STIM1: variants seen among roughly 807,000 people sequenced by gnomAD.
STIM1 encodes the protein stromal interaction molecule 1.
A neutral mutation model predicts 74.7 loss-of-function variants in STIM1; 25 were observed. The observed-to-expected ratio is 0.33, with a 90% CI of 0.24 to 0.47. STIM1 has a LOEUF of 0.47. STIM1 is among the 20% of genes least tolerant of loss of function. The pLI is 1.00. For synonymous variants in STIM1, 328 were observed against 348.8 expected (o/e 0.94, Z 0.66); for missense variants, 728 against 920.8 (o/e 0.79, Z 2.71).
chr11:3,937,290 C>CAATAATAAT (rs5789317), intron 1 of STIM1, among the ~76,000 whole-genome samples: 2,063 of 133,056 alleles, frequency 0.016, 43 homozygotes, highest in African/African-American at 0.046. Flanking sequence ...GACTTCATCT[C>CAATAATAAT]AATAATAATA....
intron 1 of STIM1, among the ~76,000 whole-genome samples, chr11:3,875,551 C>T (rs185107146): frequency 2.8e-4 from 43 of 151,984 alleles, no homozygotes; most frequent in African/African-American, 1.0e-3. Flanking sequence ...CATGGTGAAA[C>T]CCTGTCTCTA....
At chr11:3,987,271 A>G (rs961183247) in intron 2 of STIM1, among the ~76,000 whole-genome samples, 6 of 152,164 alleles carry the variant, frequency 3.9e-5, no homozygotes, top group African/African-American at 1.2e-4. Context: ...TTTTCTCCAC[A>G]TTGTAACTGT....
chr11:3,970,759 A>AG (rs1438444119), intron 2 of STIM1, among the ~76,000 whole-genome samples: 1 of 152,236 alleles, frequency 6.6e-6, no homozygotes, highest in Non-Finnish European at 1.5e-5. Flanking sequence ...CTAAAAAAAA[A>AG]GAAGTTAAAT....
At chr11:3,988,787 A>G (rs1428177514) in intron 2 of STIM1, among the ~76,000 whole-genome samples, 1 of 152,224 alleles carries the variant, frequency 6.6e-6, no homozygotes, top group Non-Finnish European at 1.5e-5. Context: ...GTAATTTAAA[A>G]TGTTCAAGAC....
chr11:3,944,033 G>T (rs965360041), intron 1 of STIM1, among the ~76,000 whole-genome samples: 1 of 152,264 alleles, frequency 6.6e-6, no homozygotes, highest in East Asian at 1.9e-4. Context: ...CATAGGTTAT[G>T]TACAGAATAG....
chr11:4,091,681 G>A lies in STIM1; in HGVS notation c.2034G>A (p.Leu678=), dbSNP rs1388089736. The A allele has an allele frequency of 6.2e-7, 1 of 1,614,226 alleles. No individual in the cohort carries two copies. Among genetic ancestry groups the A allele is most frequent in the Admixed American group, 1.7e-5 (1 of 60,028 alleles). ...GCCGAAACACACGCATTCCCCACCT[G>A]GCTGGCAAGAAGGCTGTGGCTGAGG... ...QASRNTRIPH[L]AGKKAVAEED... is the part of the protein sequence containing the mutation. Residue 678 remains leucine, a synonymous_variant, in exon 13 of 13, where the codon CTG becomes CTA. Transcript: ENST00000526596.
chr11:4,059,202 G>T, intron 4 of STIM1, 79 bp from the exon 5 acceptor site: 1 of 1,226,206 alleles, frequency 8.2e-7, no homozygotes, highest in Non-Finnish European at 1.2e-6. Context: ...AAGTGTTCCT[G>T]GGGGAGGCGG....
intron 2 of STIM1, among the ~76,000 whole-genome samples, chr11:4,010,964 T>C (rs1217284047): frequency 6.6e-6 from 1 of 152,114 alleles, no homozygotes; most frequent in African/African-American, 2.4e-5. Context: ...TGAGAACATG[T>C]GGTGTTTGGT....
At chr11:4,084,313 G>T (rs1265802385) in intron 10 of STIM1, among the ~76,000 whole-genome samples, 1 of 152,224 alleles carries the variant, frequency 6.6e-6, no homozygotes, top group Non-Finnish European at 1.5e-5. Context: ...AGAAGGCCGG[G>T]GCTGGGTTAG....
chr11:3,882,185 T>C (rs901868344), intron 1 of STIM1, among the ~76,000 whole-genome samples: 1 of 149,224 alleles, frequency 6.7e-6, no homozygotes, highest in Non-Finnish European at 1.5e-5. Flanking sequence ...CCGCAACCTC[T>C]GTCTCCTGGG....
At chr11:3,901,683 C>T (rs1364714418) in intron 1 of STIM1, among the ~76,000 whole-genome samples, 3 of 152,188 alleles carry the variant, frequency 2.0e-5, no homozygotes, top group African/African-American at 7.2e-5. Flanking sequence ...GTTAATCCAC[C>T]AGTCCCTGGT....
In STIM1 at chr11:4,091,313, C is replaced by G. The variant is rs1291051290; in HGVS notation, c.1666C>G (p.Leu556Val). The change falls in exon 13 of 13, where the codon CTC becomes GTC. Residue 556 changes from leucine (L) to valine (V), a missense_variant. Physicochemically the swap from Leu to Val is conservative, Grantham distance 32. Around this residue, in one of 5 missense-constraint regions of STIM1, gnomAD observed 352 missense variants for 370.1 expected, o/e 0.95. Transcript: ENST00000526596. Reference protein sequence around the residue: ...DLTHSDSESSLHMSDRQRVAP... With the variant: ...DLTHSDSESSVHMSDRQRVAP... ...GACCCATTCCGATTCGGAGTCCTCC[C>G]TCCACATGAGTGACCGCCAGCGTGT... The G allele has an allele frequency of 6.2e-7, 1 of 1,614,218 alleles. No homozygotes were observed. The highest frequency in any genetic ancestry group is 1.1e-5 in the South Asian group (1 of 91,086).
At chr11:3,894,306 A>G (rs868618910) in intron 1 of STIM1, among the ~76,000 whole-genome samples, 1 of 152,184 alleles carries the variant, frequency 6.6e-6, no homozygotes. Context: ...TCTTACAACA[A>G]AAAGGGCCCC....
chr11:3,902,505 G>C (rs1309912411), intron 1 of STIM1, among the ~76,000 whole-genome samples: 2 of 152,246 alleles, frequency 1.3e-5, no homozygotes, highest in African/African-American at 4.8e-5. Context: ...TTCTCATAAG[G>C]AGCACGCAAC....
chr11:3,968,961 G>T (rs2093365937), intron 2 of STIM1, among the ~76,000 whole-genome samples: 1 of 152,214 alleles, frequency 6.6e-6, no homozygotes, highest in Admixed American at 6.5e-5. Flanking sequence ...CAGGGACACA[G>T]TGAATATCAG....
At chr11:3,951,418 T>C (rs919645375) in intron 1 of STIM1, among the ~76,000 whole-genome samples, 13 of 152,310 alleles carry the variant, frequency 8.5e-5, no homozygotes, top group African/African-American at 2.9e-4. Flanking sequence ...AGCTCTCTCT[T>C]AGTTCATGTC....
chr11:3,866,347 A>G (rs1389062594), intron 1 of STIM1, among the ~76,000 whole-genome samples: 1 of 152,092 alleles, frequency 6.6e-6, no homozygotes, highest in Non-Finnish European at 1.5e-5. Flanking sequence ...ACCTGTGAAC[A>G]AACTCTGGTA....
intron 2 of STIM1, among the ~76,000 whole-genome samples, chr11:3,983,948 C>T (rs1250181490): frequency 6.6e-6 from 1 of 151,932 alleles, no homozygotes; most frequent in Non-Finnish European, 1.5e-5. Context: ...CTCACTGCAA[C>T]CTCCGCCTCC....
rs75779715 is a variant in STIM1 at position 4,034,680 on chromosome 11, G to C, written c.385+10693G>C. The stretch of plus-strand genomic sequence containing the variant: ...CCTCAAGTTTTTTTGAAGAGTTCAT[G>C]TAGAATTGGTATTATTTTTTCTTAA... On this transcript the variant is annotated intron_variant, in intron 3 of 12. Transcript: ENST00000526596. Among the ~76,000 whole-genome samples the C allele has an allele frequency of 2.6e-5, 4 of 152,270 alleles. No homozygotes were observed. The East Asian group carries it at 5.8e-4, about 22-fold the overall frequency.
Sources: gnomAD v4.1 joint callset for allele counts (sites outside exome capture counted in the v4.1 genomes callset) on GRCh38, gnomAD v4.1.1 for gene constraint, gnomAD v4.1.1 regional missense constraint, MANE v1.5 for transcripts, NCBI Gene and HGNC (gene_info 2026-07-23, HGNC 2026-07-21) for gene names.